The following DPP10 variants were observed in gnomAD, a reference collection of about 807,000 sequenced individuals.
DPP10 encodes inactive dipeptidyl peptidase 10.
In DPP10, 33 loss-of-function variants were observed where a neutral mutation model predicts 120.9. The observed-to-expected ratio is 0.27, with a 90% confidence interval of 0.21 to 0.37. The LOEUF is 0.37. DPP10 is among the 10% of genes least tolerant of loss of function. The pLI is 1.00. For synonymous variants in DPP10, 337 were observed against 326.1 expected (o/e 1.03, Z -0.36); for missense variants, 816 against 942.8 (o/e 0.87, Z 1.76).
At chr2:114,904,086 A>T (rs763695912) in intron 1 of DPP10, among the ~76,000 whole-genome samples, 1 of 152,238 alleles carries the variant, frequency 6.6e-6, no homozygotes, top group Non-Finnish European at 1.5e-5. Flanking sequence ...GAGCTGGGTA[A>T]TGGGTAGAGA....
At chr2:115,445,542 C>G (rs766557274) in intron 3 of DPP10, among the ~76,000 whole-genome samples, 10 of 152,140 alleles carry the variant, frequency 6.6e-5, no homozygotes, top group Non-Finnish European at 1.3e-4. Context: ...AGAGGTCACT[C>G]TTGCTATGCT....
chr2:115,479,386 T>C (rs768011554), intron 3 of DPP10, among the ~76,000 whole-genome samples: 1 of 152,018 alleles, frequency 6.6e-6, no homozygotes, highest in Non-Finnish European at 1.5e-5. Context: ...GAAAGTAAAA[T>C]AATGGTTTCC....
At chr2:114,597,189 G>C (rs1224025321) in intron 1 of DPP10, among the ~76,000 whole-genome samples, 4 of 152,060 alleles carry the variant, frequency 2.6e-5, no homozygotes. Context: ...GGCATGGGCA[G>C]TGTCACCTAC....
chr2:114,852,419 T>C (rs1689025063), intron 1 of DPP10, among the ~76,000 whole-genome samples: 1 of 152,144 alleles, frequency 6.6e-6, no homozygotes, highest in Non-Finnish European at 1.5e-5. Context: ...TGGTTGCATC[T>C]GTACTAAACA....
At chr2:115,575,151 C>T (rs1006077593) in intron 5 of DPP10, among the ~76,000 whole-genome samples, 2 of 152,218 alleles carry the variant, frequency 1.3e-5, no homozygotes, top group Non-Finnish European at 2.9e-5. Context: ...AAGATTGATA[C>T]CAACATGAAA....
intron 9 of DPP10, among the ~76,000 whole-genome samples, chr2:115,743,416 A>G (rs567593026): frequency 6.6e-6 from 1 of 152,290 alleles, no homozygotes; most frequent in African/African-American, 2.4e-5. Context: ...TGCCTTAAAG[A>G]TGATAACTGA....
At chr2:115,125,018 C>G (rs2050004489) in intron 1 of DPP10, among the ~76,000 whole-genome samples, 1 of 152,186 alleles carries the variant, frequency 6.6e-6, no homozygotes, top group African/African-American at 2.4e-5. Context: ...TAAAAAGAGC[C>G]TTTCTCAACC....
At chr2:115,368,324 A>G (rs918072247) in intron 3 of DPP10, among the ~76,000 whole-genome samples, 2 of 152,126 alleles carry the variant, frequency 1.3e-5, no homozygotes, top group Admixed American at 6.6e-5. Context: ...TGAAATCTCC[A>G]GGGAGTCCAG....
rs1040804455 is a variant in DPP10 at position 115,516,579 on chromosome 2, T to TG, written c.367-9319_367-9318insG. ...CCTGAGCCTTGTTATTCTTTGTTTT[T>TG]TTTTTTTTTTTCCAAGTGAATTGCA... On this transcript the variant is annotated intron_variant, in intron 4 of 25. Coordinates refer to ENST00000410059, the MANE Select transcript of DPP10 (RefSeq NM_020868.6). Among the ~76,000 whole-genome samples, 6 of 150,428 alleles carry TG rather than the reference T, an allele frequency of 4.0e-5. No individual in the cohort carries two copies. The South Asian group carries it at 1.3e-3, about 31-fold the overall frequency.
chr2:115,133,145 G>GTGTATATATATATA (rs1338395575), intron 1 of DPP10, among the ~76,000 whole-genome samples: 54 of 28,760 alleles, frequency 1.9e-3, no homozygotes, highest in African/African-American at 3.4e-3. Context: ...GTGTGTGTGT[G>GTGTATATATATATA]TATATATATA....
intron 1 of DPP10, among the ~76,000 whole-genome samples, chr2:114,795,205 G>A (rs1166606781): frequency 6.6e-6 from 1 of 152,026 alleles, no homozygotes; most frequent in Non-Finnish European, 1.5e-5. Flanking sequence ...GCATGATGAA[G>A]ACTAGCACTC....
chr2:114,513,904 A>G (rs1299814553), intron 1 of DPP10, among the ~76,000 whole-genome samples: 2 of 152,250 alleles, frequency 1.3e-5, no homozygotes, highest in African/African-American at 4.8e-5. Flanking sequence ...AACTTTTAAG[A>G]AATCAGCATA....
chr2:114,906,549 T>A (rs965771641), intron 1 of DPP10, among the ~76,000 whole-genome samples: 2 of 152,158 alleles, frequency 1.3e-5, no homozygotes, highest in African/African-American at 4.8e-5. Flanking sequence ...TTTTCCGTGT[T>A]CATTAACTGT....
At chr2:115,634,366 T>C (rs1034425485) in intron 5 of DPP10, among the ~76,000 whole-genome samples, 2 of 152,236 alleles carry the variant, frequency 1.3e-5, no homozygotes, top group African/African-American at 4.8e-5. Flanking sequence ...CAGAAGCTGC[T>C]GACCTTTGGA....
At chr2:115,334,958 C>T (rs758461948) in intron 2 of DPP10, among the ~76,000 whole-genome samples, 7 of 150,198 alleles carry the variant, frequency 4.7e-5, no homozygotes, top group African/African-American at 1.2e-4. Flanking sequence ...TTCATTTTCA[C>T]GCTGCTGATA....
chr2:114,907,818 G>A (rs1694085661), intron 1 of DPP10, among the ~76,000 whole-genome samples: 1 of 151,962 alleles, frequency 6.6e-6, no homozygotes, highest in Admixed American at 6.6e-5. Flanking sequence ...TTGGCTTATA[G>A]TGTTGTTCAA....
At chr2:114,901,568 C>T (rs1693576792) in intron 1 of DPP10, among the ~76,000 whole-genome samples, 1 of 152,188 alleles carries the variant, frequency 6.6e-6, no homozygotes, top group Non-Finnish European at 1.5e-5. Context: ...AGGTCATTCA[C>T]ATCAATTTGT....
intron 1 of DPP10, among the ~76,000 whole-genome samples, chr2:114,859,366 CA>C (rs58306246): frequency 0.89 from 116,293 of 130,014 alleles, 51,947 homozygotes; most frequent in South Asian, 0.98. Flanking sequence ...GAAACTCCGT[CA>C]AAAAAAAAAA....
intron 1 of DPP10, among the ~76,000 whole-genome samples, chr2:114,838,321 A>G (rs986971146): frequency 6.6e-6 from 1 of 151,936 alleles, no homozygotes; most frequent in African/African-American, 2.4e-5. Context: ...TTATTTTATT[A>G]TTTATTTATT....
Sources: gnomAD v4.1 joint callset for allele counts (sites outside exome capture counted in the v4.1 genomes callset) on GRCh38, gnomAD v4.1.1 for gene constraint, MANE v1.5 for transcripts, NCBI Gene and HGNC (gene_info 2026-07-23, HGNC 2026-07-21) for gene names.